The following CPE variants were observed in gnomAD, a reference collection of about 807,000 sequenced individuals.
The protein encoded by CPE is carboxypeptidase E, also known as carbocypeptidase E.
CPE carries 17 observed loss-of-function variants against 53.5 expected under a neutral mutation model. The ratio of observed to expected loss-of-function variants is 0.32; its 90% CI spans 0.22 to 0.48. The LOEUF (loss-of-function observed/expected upper bound fraction) is 0.48, where lower values mean the gene tolerates loss of function less well. CPE is among the 20% of genes least tolerant of loss of function. The probability of loss-of-function intolerance (pLI) is 0.99; values close to 1 mark genes in which losing one functional copy is unlikely to be tolerated. For synonymous variants in CPE, 226 were observed against 228.8 expected, an observed-to-expected ratio of 0.99 and a Z score of 0.11; for missense variants, 524 against 614.7, an observed-to-expected ratio of 0.85 and a Z score of 1.56.
chr4:165,423,343 A>G (rs577434047), intron 1 of CPE, among the ~76,000 whole-genome samples: 24 of 152,168 alleles, frequency 1.6e-4, no homozygotes, highest in African/African-American at 5.1e-4. Context: ...ACTATTTCAT[A>G]AATAAACTAT....
rs184902280 is a variant in CPE, at chr4:165,443,242, T to C, written c.308-21148T>C. 2.0e-3 allele frequency among the ~76,000 whole-genome samples: 308 copies of C among 152,242 alleles called. 3 individuals are homozygous for C. Among genetic ancestry groups the C allele is most frequent in the East Asian group, 0.013 (68 of 5,174 alleles). Reference sequence around the variant, plus strand: ...TGGCATTTGCTGAGTAGCTTCTCCTTTTTCTTCTCTTTCTTCTCTGTCTCC... The same window carrying C: ...TGGCATTTGCTGAGTAGCTTCTCCTCTTTCTTCTCTTTCTTCTCTGTCTCC... On this transcript the variant is annotated intron_variant, in intron 1 of 8. Transcript: ENST00000402744.
intron 3 of CPE, among the ~76,000 whole-genome samples, chr4:165,481,883 T>A (rs1732421018): frequency 6.6e-6 from 1 of 152,196 alleles, no homozygotes; most frequent in African/African-American, 2.4e-5. Context: ...ATATTATCCT[T>A]AACTATTCAT....
rs3073916 is a variant in CPE, at chr4:165,410,822, C to CTGTGTG, written c.307+31310_307+31315dup. Among the ~76,000 whole-genome samples the CTGTGTG allele has an allele frequency of 7.3e-4, 110 of 150,542 alleles. 1 individual carries two copies. The East Asian group carries it at 0.014, about 20-fold the overall frequency. On this transcript the variant is annotated intron_variant, in intron 1 of 8. Coordinates refer to ENST00000402744, the MANE Select transcript of CPE (RefSeq NM_001873.4). The stretch of plus-strand genomic sequence containing the variant: ...TTTTAGATTTAGGAAGGCAGAAAGA[C>CTGTGTG]TGTGTGTGTGTGTGTGTGTGTTTGT...
At chr4:165,409,968 C>T (rs1470041625) in intron 1 of CPE, among the ~76,000 whole-genome samples, 1 of 151,986 alleles carries the variant, frequency 6.6e-6, no homozygotes, top group African/African-American at 2.4e-5. Flanking sequence ...AAAACAGAGG[C>T]CAGGTGCAGT....
At chr4:165,470,010 G>T (rs1042409934) in intron 3 of CPE, among the ~76,000 whole-genome samples, 11 of 152,162 alleles carry the variant, frequency 7.2e-5, no homozygotes. Context: ...GCCTACAGGT[G>T]GGGGCTGGTC....
intron 1 of CPE, among the ~76,000 whole-genome samples, chr4:165,463,598 T>G (rs1340931815): frequency 6.6e-6 from 1 of 152,204 alleles, no homozygotes; most frequent in Non-Finnish European, 1.5e-5. Flanking sequence ...CATAGACGTT[T>G]AAGTAAACCA....
At chr4:165,395,887 A>T (rs1449164531) in intron 1 of CPE, among the ~76,000 whole-genome samples, 1 of 152,192 alleles carries the variant, frequency 6.6e-6, no homozygotes, top group Non-Finnish European at 1.5e-5. Context: ...GCCTGTATAG[A>T]CTGGGCTAAT....
chr4:165,441,041 C>T (rs1481879398), intron 1 of CPE, among the ~76,000 whole-genome samples: 2 of 152,158 alleles, frequency 1.3e-5, no homozygotes, highest in Admixed American at 6.5e-5. Flanking sequence ...GAGGCAAAGT[C>T]GGAGACGTGC....
chr4:165,473,038 C>T (rs1267753245), intron 3 of CPE, among the ~76,000 whole-genome samples: 1 of 152,162 alleles, frequency 6.6e-6, no homozygotes, highest in Non-Finnish European at 1.5e-5. Context: ...GTCCCCGGGC[C>T]TCACGTAGCT....
chr4:165,421,382 T>G (rs968722951), intron 1 of CPE, among the ~76,000 whole-genome samples: 2 of 152,232 alleles, frequency 1.3e-5, no homozygotes, highest in African/African-American at 4.8e-5. Context: ...TTGGTATCTC[T>G]TCTATGTTTG....
Position 165,497,647 on chromosome 4 carries a change from T to C in CPE, c.*37T>C. 8.4e-7 allele frequency: 1 copy of C among 1,192,702 alleles called. No individual in the cohort carries two copies. Among genetic ancestry groups the C allele is most frequent in the Non-Finnish European group, 1.1e-6 (1 of 873,564 alleles). The allele number at this position is 1,192,702 out of a possible 1,614,324, so 73.9% of individuals were successfully genotyped here. On this transcript the variant is annotated 3_prime_UTR_variant, in exon 9 of 9. Coordinates refer to ENST00000402744, the MANE Select transcript of CPE (RefSeq NM_001873.4). ...GTTAGCTGCTTTAAATCTATCTATA[T>C]AATGTAGTATGATGTAATGTGGTCT...
intron 1 of CPE, among the ~76,000 whole-genome samples, chr4:165,401,762 C>T (rs920752796): frequency 6.6e-6 from 1 of 152,128 alleles, no homozygotes; most frequent in East Asian, 1.9e-4. Context: ...ATATATGAGG[C>T]CCTGGAAGCT....
At chr4:165,400,804 A>G (rs115831253) in intron 1 of CPE, among the ~76,000 whole-genome samples, 3,052 of 152,276 alleles carry the variant, frequency 0.02, 84 homozygotes, top group East Asian at 0.058. Context: ...CTGAACTCAT[A>G]TCATTGTGGC....
intron 1 of CPE, chr4:165,381,426 C>A: frequency 2.4e-6 from 1 of 414,024 alleles, no homozygotes; most frequent in South Asian, 1.7e-5. Flanking sequence ...CCATCAATAG[C>A]TGCATAACAC....
chr4:165,453,083 C>T (rs1731840683), intron 1 of CPE, among the ~76,000 whole-genome samples: 1 of 152,044 alleles, frequency 6.6e-6, no homozygotes, highest in Non-Finnish European at 1.5e-5. Context: ...CCTCAGCCTC[C>T]TGAGTAGCTG....
intron 1 of CPE, among the ~76,000 whole-genome samples, chr4:165,389,282 T>C (rs983368312): frequency 6.6e-5 from 10 of 152,174 alleles, no homozygotes; most frequent in African/African-American, 2.2e-4. Flanking sequence ...AATTTCAAAT[T>C]AGTTTAACTA....
intron 1 of CPE, among the ~76,000 whole-genome samples, chr4:165,459,674 T>TGGGGGGGG (rs572743841): frequency 8.8e-5 from 5 of 56,678 alleles, no homozygotes; most frequent in African/African-American, 1.4e-4. Flanking sequence ...GAGGGCTGGG[T>TGGGGGGGG]GGGGGGGGGC....
At chr4:165,435,757 A>G (rs986546573) in intron 1 of CPE, among the ~76,000 whole-genome samples, 1 of 152,210 alleles carries the variant, frequency 6.6e-6, no homozygotes, top group Non-Finnish European at 1.5e-5. Context: ...ATATCAATCC[A>G]TGCCATTTTA....
intron 3 of CPE, among the ~76,000 whole-genome samples, chr4:165,475,856 G>A (rs967096145): frequency 3.9e-5 from 6 of 152,112 alleles, no homozygotes; most frequent in Admixed American, 1.3e-4. Flanking sequence ...ATCAGCTAGC[G>A]GGAGCAGAGC....
Sources: allele counts gnomAD v4.1 joint callset (sites outside exome capture counted in the v4.1 genomes callset), GRCh38; gene constraint gnomAD v4.1.1; transcripts MANE v1.5; gene names NCBI Gene and HGNC (gene_info 2026-07-23, HGNC 2026-07-21).